CNTNAP5: variants seen among roughly 807,000 people sequenced by gnomAD.
CNTNAP5 encodes the protein contactin associated protein family member 5, also known as contactin-associated protein-like 5.
A neutral mutation model predicts 150.2 loss-of-function variants in CNTNAP5; 72 were observed. The ratio of observed to expected loss-of-function variants is 0.48; its 90% CI spans 0.40 to 0.58. The LOEUF (loss-of-function observed/expected upper bound fraction) is 0.58, where lower values mean the gene tolerates loss of function less well. Among genes scored for constraint, CNTNAP5 ranks in the 20% least tolerant of loss-of-function variants. The pLI is 0.00. For missense variants in CNTNAP5, 1,636 were observed against 1,626.2 expected (o/e 1.01, Z -0.10); for synonymous variants, 672 against 619.8 (o/e 1.08, Z -1.25).
rs376449910 is a variant in CNTNAP5, at chr2:124,048,509, G to C, written c.82+22777G>C. 1.8e-4 allele frequency among the ~76,000 whole-genome samples: 28 copies of C among 152,254 alleles called. 2 individuals carry two copies. In the South Asian group the frequency reaches 5.8e-3, roughly 32 times the overall value. On this transcript the variant is annotated intron_variant, in intron 1 of 23. Transcript: ENST00000682447. ...GTTTCTAATTTCTGTTTAGAGATTT[G>C]TTAACTTGGTTGGAGTGGTCCATTG...
At chr2:124,547,559 C>T (rs577531937) in intron 10 of CNTNAP5, among the ~76,000 whole-genome samples, 17 of 152,240 alleles carry the variant, frequency 1.1e-4, no homozygotes, top group African/African-American at 3.8e-4. Flanking sequence ...CAAGGGGCTC[C>T]TGTTGTGTCA....
intron 13 of CNTNAP5, among the ~76,000 whole-genome samples, chr2:124,666,455 A>G (rs1285478210): frequency 6.6e-6 from 1 of 152,132 alleles, no homozygotes; most frequent in Non-Finnish European, 1.5e-5. Context: ...TTATTGTCAC[A>G]AAGAGTTTGT....
intron 21 of CNTNAP5, among the ~76,000 whole-genome samples, chr2:124,885,627 C>T (rs1678065227): frequency 6.6e-6 from 1 of 151,306 alleles, no homozygotes; most frequent in Non-Finnish European, 1.5e-5. Context: ...TCATCTTCAC[C>T]CCTCCTCTTA....
At chr2:124,175,507 C>T (rs535929336) in intron 1 of CNTNAP5, among the ~76,000 whole-genome samples, 48 of 152,026 alleles carry the variant, frequency 3.2e-4, no homozygotes, top group African/African-American at 1.1e-3. Flanking sequence ...GTATATTGCA[C>T]GATACTTAGG....
intron 1 of CNTNAP5, among the ~76,000 whole-genome samples, chr2:124,186,991 C>A (rs1010099427): frequency 6.6e-6 from 1 of 152,052 alleles, no homozygotes; most frequent in Non-Finnish European, 1.5e-5. Context: ...GGAGGAAATG[C>A]GAGACATGAG....
chr2:124,220,472 G>A (rs1686275966), intron 1 of CNTNAP5, among the ~76,000 whole-genome samples: 1 of 152,030 alleles, frequency 6.6e-6, no homozygotes, highest in Admixed American at 6.6e-5. Context: ...TTCTCTGCTA[G>A]GGTCCCACAA....
chr2:124,146,728 A>G (rs1684262786), intron 1 of CNTNAP5, among the ~76,000 whole-genome samples: 1 of 152,184 alleles, frequency 6.6e-6, no homozygotes, highest in Non-Finnish European at 1.5e-5. Flanking sequence ...AGTTATGTTT[A>G]TTATTTTTAT....
At chr2:124,669,571 G>T (rs1054103005) in intron 13 of CNTNAP5, among the ~76,000 whole-genome samples, 1 of 152,142 alleles carries the variant, frequency 6.6e-6, no homozygotes, top group Middle Eastern at 3.2e-3. Context: ...CTCAAATTTA[G>T]ATCTCCAGCC....
At chr2:124,864,040 A>G (rs952033345) in intron 19 of CNTNAP5, among the ~76,000 whole-genome samples, 3 of 152,110 alleles carry the variant, frequency 2.0e-5, no homozygotes, top group African/African-American at 7.2e-5. Context: ...ACAGACAGAA[A>G]AGGACAGCAA....
intron 1 of CNTNAP5, among the ~76,000 whole-genome samples, chr2:124,028,153 C>T (rs963573229): frequency 6.6e-6 from 1 of 152,082 alleles, no homozygotes; most frequent in African/African-American, 2.4e-5. Flanking sequence ...ACATTTGTGA[C>T]AGTAGCCTTG....
intron 3 of CNTNAP5, among the ~76,000 whole-genome samples, chr2:124,390,500 G>A (rs180781667): frequency 6.6e-6 from 1 of 152,284 alleles, no homozygotes; most frequent in East Asian, 1.9e-4. Flanking sequence ...ATAACACCAC[G>A]AGGACAAAGT....
At chr2:124,532,915 C>T (rs1039713240) in intron 10 of CNTNAP5, among the ~76,000 whole-genome samples, 2 of 152,104 alleles carry the variant, frequency 1.3e-5, no homozygotes, top group Non-Finnish European at 2.9e-5. Context: ...TTTGCCGGTT[C>T]TCTAGTTTCC....
intron 9 of CNTNAP5, among the ~76,000 whole-genome samples, chr2:124,526,681 C>T (rs544849725): frequency 2.3e-4 from 35 of 152,224 alleles, no homozygotes; most frequent in African/African-American, 7.5e-4. Context: ...CTATTACAGC[C>T]CTAAAATGAC....
At chr2:124,281,630 A>G (rs1461505359) in intron 3 of CNTNAP5, among the ~76,000 whole-genome samples, 1 of 152,180 alleles carries the variant, frequency 6.6e-6, no homozygotes, top group East Asian at 1.9e-4. Context: ...TTAAGCGACA[A>G]GAAGAAGCCA....
At chr2:124,564,491 G>T (rs1002783871) in intron 11 of CNTNAP5, among the ~76,000 whole-genome samples, 3 of 152,096 alleles carry the variant, frequency 2.0e-5, no homozygotes, top group African/African-American at 7.2e-5. Context: ...GAATATCTGG[G>T]ATTACAGGTG....
intron 13 of CNTNAP5, among the ~76,000 whole-genome samples, chr2:124,658,630 A>G (rs537694857): frequency 9.2e-5 from 14 of 152,304 alleles, no homozygotes; most frequent in African/African-American, 3.4e-4. Context: ...CGTGGCATAG[A>G]TTGTGCAAAG....
At chr2:124,376,482 G>C (rs765556634) in intron 3 of CNTNAP5, among the ~76,000 whole-genome samples, 11 of 152,190 alleles carry the variant, frequency 7.2e-5, no homozygotes, top group Non-Finnish European at 1.3e-4. Flanking sequence ...GATTTGCTCT[G>C]CTAAGATAAA....
chr2:124,418,125 G>A (rs1373087845), intron 4 of CNTNAP5, among the ~76,000 whole-genome samples: 2 of 152,228 alleles, frequency 1.3e-5, no homozygotes, highest in East Asian at 3.9e-4. Context: ...TATAAAGATG[G>A]GTAGAACTAG....
intron 3 of CNTNAP5, among the ~76,000 whole-genome samples, chr2:124,360,153 G>A (rs1324599254): frequency 6.8e-6 from 1 of 147,400 alleles, no homozygotes; most frequent in Admixed American, 6.8e-5. Context: ...TTTTCCATTT[G>A]CTTGGTAGAT....
Sources: gnomAD v4.1 joint callset for allele counts (sites outside exome capture counted in the v4.1 genomes callset) on GRCh38, gnomAD v4.1.1 for gene constraint, MANE v1.5 for transcripts, NCBI Gene and HGNC (gene_info 2026-07-23, HGNC 2026-07-21) for gene names.